AOC2: variants seen among roughly 807,000 people sequenced by gnomAD.
AOC2 encodes amine oxidase [copper-containing] 2.
In AOC2, 57 loss-of-function variants were observed where a neutral mutation model predicts 53.8. The observed-to-expected ratio is 1.06, with a 90% CI of 0.86 to 1.32. The LOEUF is 1.32. Ranked by LOEUF, AOC2 falls within the 40% of genes most tolerant of loss-of-function variation. The probability of loss-of-function intolerance (pLI) is 0.00; values close to 1 mark genes in which losing one functional copy is unlikely to be tolerated. For missense variants in AOC2, 1,008 were observed against 957.2 expected, an observed-to-expected ratio of 1.05 and a Z score of -0.70; for synonymous variants, 404 against 399.0, an observed-to-expected ratio of 1.01 and a Z score of -0.15.
Position 42,850,341 on chromosome 17 carries a change from G to A in AOC2, c.2264G>A (p.Gly755Asp), listed in dbSNP as rs770898058. 1.9e-6 allele frequency: 3 copies of A among 1,597,834 alleles called. No homozygotes were observed. Among genetic ancestry groups the A allele is most frequent in the African/African-American group, 1.3e-5 (1 of 74,580 alleles). ...VPDLPPFSYH[G>D]F Reference sequence around the variant, plus strand: ...GACTTACCCCCTTTCTCTTACCACGGCTTCTAGTCCTGAGGGTGTGGCGGG... The same window carrying A: ...GACTTACCCCCTTTCTCTTACCACGACTTCTAGTCCTGAGGGTGTGGCGGG... Residue 755 changes from glycine to aspartate, a missense_variant, in exon 4 of 4, where the codon GGC becomes GAC. Physicochemically the swap from Gly to Asp is moderately conservative, Grantham distance 94. Coordinates refer to ENST00000253799, the MANE Select transcript of AOC2 (RefSeq NM_009590.4).
intron 1 of AOC2, among the ~76,000 whole-genome samples, chr17:42,848,205 G>C (rs1007067864): frequency 2.0e-5 from 3 of 151,458 alleles, no homozygotes; most frequent in African/African-American, 7.3e-5. Flanking sequence ...CCCGGCTCAG[G>C]AGTCAGTTTT....
rs765271078 is a variant in AOC2 at position 42,845,644 on chromosome 17, G to A, written c.1018G>A (p.Gly340Ser). The A allele has an allele frequency of 1.1e-5, 18 of 1,614,166 alleles. No homozygotes were observed. Among genetic ancestry groups the A allele is most frequent in the Admixed American group, 1.0e-4 (6 of 60,026 alleles). Residue 340 changes from glycine (G) to serine (S), a missense_variant, in exon 1 of 4, where the codon GGC becomes AGC. Transcript: ENST00000253799. ...TACCTTTGGCCATGGGGTGTTCAGC[G>A]GCCTGAGGATTTTTGATGTTCGGTT... is the stretch of plus-strand genomic sequence containing the variant. ...SFTFGHGVFS[G>S]LRIFDVRFQG...
In AOC2 at chr17:42,844,847, G is replaced by C. The variant is rs376064787; in HGVS notation, c.221G>C (p.Arg74Pro). 2 of 1,612,522 alleles carry C rather than the reference G, an allele frequency of 1.2e-6. No homozygotes were observed. The highest frequency in any genetic ancestry group is 1.7e-6 in the Non-Finnish European group (2 of 1,178,846). The change falls in exon 1 of 4, where the codon CGG (arginine) becomes CCG (proline). Residue 74 changes from arginine (R) to proline (P), a missense_variant. Arg to Pro is a moderately radical substitution (Grantham distance 103). Transcript: ENST00000253799. The stretch of plus-strand genomic sequence containing the variant: ...GCTGTGATGCGCTTTCTGACCCAGC[G>C]GCTGGGGCCAGGGCTGGTGGACGCA... ...LTAVMRFLTQ[R>P]LGPGLVDAAQ...
chr17:42,846,395 G>T (rs188502518), intron 1 of AOC2, among the ~76,000 whole-genome samples, 181 bp downstream of exon 1: 1 of 152,314 alleles, frequency 6.6e-6, no homozygotes, highest in South Asian at 2.1e-4. Flanking sequence ...CAGTGAGTCT[G>T]GTACTGGGCT....
In AOC2 at chr17:42,844,740, C is replaced by T. The variant is rs200952660; in HGVS notation, c.114C>T (p.Pro38=). ...GTTCCAGCCAGCCTCCCCACTGCCC[C>T]TCTGTATCCCATAGGGCCCAGCCCT... ...PGGSSQPPHC[P]SVSHRAQPWP... Residue 38 remains proline, a synonymous_variant, in exon 1 of 4, where the codon CCC becomes CCT. Transcript: ENST00000253799. 2.5e-6 allele frequency: 4 copies of T among 1,614,134 alleles called. No homozygotes were observed. The highest frequency in any genetic ancestry group is 3.3e-5 in the Admixed American group (2 of 60,008).
rs922140107 is a variant in AOC2, at chr17:42,848,526, TATATATATATATATATATAC to T, written c.1589-540_1589-521del. 5.2e-5 allele frequency among the ~76,000 whole-genome samples: 7 copies of T among 135,774 alleles called. No homozygotes were observed. The East Asian group carries it at 8.1e-4, about 16-fold the overall frequency. The allele number at this position is 135,774 out of a possible 152,430, so 89.1% of individuals were successfully genotyped here. A position where few individuals can be genotyped will look rare whatever the true frequency, so the allele number is the denominator to read the frequency against. ...TGGCTAGTGTGACAGAGGAACTGAA[TATATATATATATATATATAC>T]ATATATATATATATATATATTTTAG... On this transcript the variant is annotated intron_variant, in intron 1 of 3. Coordinates refer to ENST00000253799, the MANE Select transcript of AOC2 (RefSeq NM_009590.4).
chr17:42,846,380 C>T (rs2055600017), intron 1 of AOC2, among the ~76,000 whole-genome samples, 166 bp downstream of exon 1: 1 of 152,188 alleles, frequency 6.6e-6, no homozygotes, highest in Admixed American at 6.5e-5. Flanking sequence ...TGAGCATATT[C>T]AGTGCAGTGA....
Position 42,850,209 on chromosome 17 carries a change from C to G in AOC2, c.2132C>G (p.Pro711Arg). Residue 711 changes from proline to arginine, a missense_variant, in exon 4 of 4, where the codon CCC (proline) becomes CGC (arginine). Coordinates refer to ENST00000253799, the MANE Select transcript of AOC2 (RefSeq NM_009590.4). The stretch of plus-strand genomic sequence containing the variant: ...CCCTATAACTTCTTTGATGAGGACC[C>G]CTCCATCTTCTCCCCTGGCAGTGTC... Reference protein sequence around the residue: ...LRPYNFFDEDPSIFSPGSVYF... With the variant: ...LRPYNFFDEDRSIFSPGSVYF... The G allele has an allele frequency of 6.2e-7, 1 of 1,614,146 alleles. No individual in the cohort carries two copies. The highest frequency in any genetic ancestry group is 8.5e-7 in the Non-Finnish European group (1 of 1,180,018).
chr17:42,847,663 G>A (rs528607369), intron 1 of AOC2, among the ~76,000 whole-genome samples: 1 of 152,270 alleles, frequency 6.6e-6, no homozygotes, highest in African/African-American at 2.4e-5. Flanking sequence ...CTGTCACCCA[G>A]GCTGGAGTGC....
At position 42,850,624 on chromosome 17, in the gene AOC2, T is replaced by G; in HGVS notation, c.*276T>G. ...TCACATTACATCAGACATCTCTTTA[T>G]GCATGTGCATTCAAAAGGAAGAGTA... is the stretch of plus-strand genomic sequence containing the variant. On this transcript the variant is annotated 3_prime_UTR_variant, in exon 4 of 4. Transcript: ENST00000253799. 1.2e-5 allele frequency: 4 copies of G among 329,450 alleles called. No homozygotes were observed. Among genetic ancestry groups the G allele is most frequent in the Non-Finnish European group, 2.2e-5 (4 of 182,598 alleles). The allele number at this position is 329,450 out of a possible 1,614,324, so 20.4% of individuals were successfully genotyped here. A position where few individuals can be genotyped will look rare whatever the true frequency, so the allele number is the denominator to read the frequency against.
intron 3 of AOC2, 138 bp downstream of exon 3, chr17:42,849,868 A>C: frequency 7.5e-7 from 1 of 1,330,160 alleles, no homozygotes; most frequent in South Asian, 1.3e-5. Flanking sequence ...CTGATGACCA[A>C]CACAGGTCAT....
rs2055621875 is a variant in AOC2, at chr17:42,849,083, C to A, written c.1589-3C>A. 6.2e-7 allele frequency: 1 copy of A among 1,605,798 alleles called. No individual in the cohort carries two copies. The highest frequency in any genetic ancestry group is 8.5e-7 in the Non-Finnish European group (1 of 1,173,908). ...ACTCATCTCCTTTCCCTCCCCCTGG[C>A]AGGGCTGAAAAACTGGGTGGTAGCT... On this transcript the variant is annotated splice_polypyrimidine_tract_variant and splice_region_variant and intron_variant, in intron 1 of 3. Coordinates refer to ENST00000253799, the MANE Select transcript of AOC2 (RefSeq NM_009590.4).
chr17:42,845,071 C>G lies in AOC2; in HGVS notation c.445C>G (p.Arg149Gly). The G allele has an allele frequency of 6.2e-7, 1 of 1,613,866 alleles. No homozygotes were observed. Among genetic ancestry groups the G allele is most frequent in the Non-Finnish European group, 8.5e-7 (1 of 1,179,984 alleles). ...GCCGCTGCCTCACCCCTCGTACATG[C>G]GGGATGTGACTGTGGAGCGTCACGG... ...VGPLPHPSYMRDVTVERHGGP... is the reference protein window; with the variant it reads ...VGPLPHPSYMGDVTVERHGGP... Residue 149 changes from arginine (R) to glycine (G), a missense_variant, in exon 1 of 4, where the codon CGG (arginine) becomes GGG (glycine). Physicochemically the swap from Arg to Gly is moderately radical, Grantham distance 125. Transcript: ENST00000253799.
chr17:42,845,593 C>G lies in AOC2; in HGVS notation c.967C>G (p.Leu323Val), dbSNP rs200306492. ...TTCCCAGTACAGTGTGCAAGGAAACCTGGTGGTATCCTCCCTCTGGTCATT... is the reference window on the plus strand; with the variant it reads ...TTCCCAGTACAGTGTGCAAGGAAACGTGGTGGTATCCTCCCTCTGGTCATT... ...QGSQYSVQGN[L>V]VVSSLWSFTF... is the part of the protein sequence containing the mutation. The change falls in exon 1 of 4, where the codon CTG (leucine) becomes GTG (valine). Residue 323 changes from leucine (L) to valine (V), a missense_variant. By Grantham distance (32) the Leu-to-Val change is conservative. Coordinates refer to ENST00000253799, the MANE Select transcript of AOC2 (RefSeq NM_009590.4). 3 of 1,614,082 alleles carry G rather than the reference C, an allele frequency of 1.9e-6. No individual in the cohort carries two copies.
At position 42,845,498 on chromosome 17, in the gene AOC2, A is replaced by G. The variant is rs2055589146; in HGVS notation, c.872A>G (p.Asn291Ser). Residue 291 changes from asparagine (N) to serine (S), a missense_variant, in exon 1 of 4, where the codon AAT becomes AGT. Physicochemically the swap from Asn to Ser is conservative, Grantham distance 46. Coordinates refer to ENST00000253799, the MANE Select transcript of AOC2 (RefSeq NM_009590.4). The part of the protein sequence containing the change: ...EVVRVPLPPP[N>S]GASSLRSRNS... ...GTTAGAGTCCCTCTACCTCCACCAA[A>G]TGGAGCTTCATCCCTGAGGTCTCGG... is the stretch of plus-strand genomic sequence containing the variant. 1 of 1,614,078 alleles carries G rather than the reference A, an allele frequency of 6.2e-7. No homozygotes were observed.
In AOC2 at chr17:42,849,273, G is replaced by A. The variant is rs150869522; in HGVS notation, c.1776G>A (p.Ala592=). The stretch of plus-strand genomic sequence containing the variant: ...ACCTGGCTAGCAACCAGACTAATGC[G>A]TGGGGTCACCAGCGCGGGTACCGAA... ...YLYLASNQTN[A]WGHQRGYRIQ... The change falls in exon 2 of 4, where the codon GCG becomes GCA. Residue 592 remains alanine, a synonymous_variant. Coordinates refer to ENST00000253799, the MANE Select transcript of AOC2 (RefSeq NM_009590.4). 1.2e-5 allele frequency: 20 copies of A among 1,614,170 alleles called. No individual in the cohort carries two copies. The highest frequency in any genetic ancestry group is 3.3e-4 in the Middle Eastern group (2 of 6,062).
At position 42,845,331 on chromosome 17, in the gene AOC2, C is replaced by T. The variant is rs1203062275; in HGVS notation, c.705C>T (p.His235=). ...TCTCAGGGGTTGGTCTTTTCCTTCA[C>T]CCCGTGGGGCTGGAGCTACTACTGG... The part of the protein sequence containing the change: ...HNISGVGLFL[H]PVGLELLLDH... Residue 235 remains histidine, a synonymous_variant, in exon 1 of 4, where the codon CAC becomes CAT. Coordinates refer to ENST00000253799, the MANE Select transcript of AOC2 (RefSeq NM_009590.4). 2 of 1,614,106 alleles carry T rather than the reference C, an allele frequency of 1.2e-6. No individual in the cohort carries two copies. Among genetic ancestry groups the T allele is most frequent in the African/African-American group, 1.3e-5 (1 of 74,944 alleles).
chr17:42,847,057 G>C (rs565781313), intron 1 of AOC2, among the ~76,000 whole-genome samples: 19 of 152,236 alleles, frequency 1.2e-4, no homozygotes, highest in Non-Finnish European at 2.5e-4. Flanking sequence ...CAAGTCTAAA[G>C]ACATGGCACG....
intron 3 of AOC2, 136 bp from the exon 4 acceptor site, chr17:42,849,946 A>T (rs1218843306): frequency 7.5e-6 from 10 of 1,335,834 alleles, no homozygotes; most frequent in Admixed American, 2.1e-5. Context: ...GCTTACATGG[A>T]TTGCTCCACG....
Sources: gnomAD v4.1 joint callset for allele counts (sites outside exome capture counted in the v4.1 genomes callset) on GRCh38, gnomAD v4.1.1 for gene constraint, MANE v1.5 for transcripts, NCBI Gene and HGNC (gene_info 2026-07-23, HGNC 2026-07-21) for gene names.